Variants in COL26A1 observed in about 807,000 individuals in gnomAD.
COL26A1 encodes collagen type XXVI alpha 1 chain.
In COL26A1, 41 loss-of-function variants were observed where a neutral mutation model predicts 59.3. The observed-to-expected ratio is 0.69, with a 90% CI of 0.54 to 0.90. COL26A1 has a LOEUF of 0.90. COL26A1 is among the 40% of genes least tolerant of loss of function. COL26A1 has a pLI of 0.00. For synonymous variants in COL26A1, 266 were observed against 256.0 expected (o/e 1.04, Z -0.37); for missense variants, 612 against 602.3 (o/e 1.02, Z -0.17).
chr7:101,546,700 C>T (rs1282895986), intron 7 of COL26A1, among the ~76,000 whole-genome samples: 1 of 152,112 alleles, frequency 6.6e-6, no homozygotes, highest in Admixed American at 6.5e-5. Context: ...GGTTGTTAAA[C>T]AGACTCCACC....
intron 3 of COL26A1, among the ~76,000 whole-genome samples, chr7:101,455,372 C>A (rs1361521140): frequency 6.6e-6 from 1 of 152,094 alleles, no homozygotes; most frequent in Non-Finnish European, 1.5e-5. Flanking sequence ...AAAGTAACTA[C>A]ATGTTTAGTG....
chr7:101,541,778 A>G (rs947295369), intron 5 of COL26A1, among the ~76,000 whole-genome samples: 4 of 152,102 alleles, frequency 2.6e-5, no homozygotes, highest in African/African-American at 9.7e-5. Context: ...CATAGTTGCA[A>G]TCGATGAAGC....
chr7:101,534,360 G>C (rs565681855), intron 4 of COL26A1, among the ~76,000 whole-genome samples: 1 of 152,276 alleles, frequency 6.6e-6, no homozygotes, highest in Non-Finnish European at 1.5e-5. Context: ...AGCAGGGCCA[G>C]GGTCAGCCAT....
At chr7:101,395,099 C>G (rs1477467721) in intron 1 of COL26A1, among the ~76,000 whole-genome samples, 1 of 151,958 alleles carries the variant, frequency 6.6e-6, no homozygotes, top group African/African-American at 2.4e-5. Context: ...TCTTGAACTA[C>G]TGACCTCAGA....
At chr7:101,373,450 A>G (rs1250656935) in intron 1 of COL26A1, among the ~76,000 whole-genome samples, 1 of 152,218 alleles carries the variant, frequency 6.6e-6, no homozygotes, top group African/African-American at 2.4e-5. Context: ...GGAGTTTTCA[A>G]CCCCAAATTT....
rs1314778398 is a variant in COL26A1, at chr7:101,412,489, A to G, written c.159-7488A>G. 2.6e-5 allele frequency among the ~76,000 whole-genome samples: 4 copies of G among 152,098 alleles called. No homozygotes were observed. The East Asian group carries it at 7.7e-4, about 29-fold the overall frequency. ...GTGAAACCCCCTCTCTACTAAAAGT[A>G]TAAAAATTAGCCAGGCGTGGTGGTG... is the stretch of plus-strand genomic sequence containing the variant. On this transcript the variant is annotated intron_variant, in intron 1 of 12. Coordinates refer to ENST00000313669, the MANE Select transcript of COL26A1 (RefSeq NM_001278563.3).
chr7:101,413,547 GAAAGAAAAAGAAAAGAAGAAAGA>G (rs1044574867), intron 1 of COL26A1, among the ~76,000 whole-genome samples: 11 of 151,730 alleles, frequency 7.2e-5, no homozygotes, highest in African/African-American at 2.7e-4. Flanking sequence ...GAAAGGAAAG[GAAAGAAAAAGAAAAGAAGAAAGA>G]AAAGAAAAAG....
At chr7:101,485,796 G>A (rs757829602) in intron 3 of COL26A1, among the ~76,000 whole-genome samples, 1 of 152,128 alleles carries the variant, frequency 6.6e-6, no homozygotes, top group African/African-American at 2.4e-5. Context: ...GAGATGAGCC[G>A]AGGCCCAGCC....
intron 1 of COL26A1, among the ~76,000 whole-genome samples, chr7:101,412,139 G>A (rs1278667237): frequency 6.6e-6 from 1 of 152,060 alleles, no homozygotes; most frequent in Non-Finnish European, 1.5e-5. Context: ...GGCAGAGCTT[G>A]GACACCAGAC....
intron 1 of COL26A1, among the ~76,000 whole-genome samples, chr7:101,396,163 A>T (rs1212174000): frequency 6.6e-6 from 1 of 151,776 alleles, no homozygotes; most frequent in African/African-American, 2.4e-5. Flanking sequence ...GCTACTGGGG[A>T]GGGTGAGGGG....
intron 3 of COL26A1, among the ~76,000 whole-genome samples, chr7:101,468,366 G>A (rs1793814779): frequency 6.6e-6 from 1 of 151,936 alleles, no homozygotes; most frequent in Non-Finnish European, 1.5e-5. Flanking sequence ...CCCTTACCAA[G>A]GACTCTCTTA....
At chr7:101,387,778 A>ATTTTTTTTTTTTTTTTTTTTTTT (rs1554404085) in intron 1 of COL26A1, among the ~76,000 whole-genome samples, 1 of 84,808 alleles carries the variant, frequency 1.2e-5, no homozygotes, top group African/African-American at 5.0e-5. Flanking sequence ...ATATATATAT[A>ATTTTTTTTTTTTTTTTTTTTTTT]TTTTTTTTTA....
chr7:101,363,827 C>A (rs556475069), intron 1 of COL26A1, among the ~76,000 whole-genome samples: 287 of 152,316 alleles, frequency 1.9e-3, no homozygotes, highest in Non-Finnish European at 2.5e-3. Flanking sequence ...CTGCCGCTCA[C>A]CTGCGCGGCT....
intron 2 of COL26A1, among the ~76,000 whole-genome samples, chr7:101,434,509 G>A (rs1792868037): frequency 2.0e-5 from 3 of 151,730 alleles, no homozygotes; most frequent in Admixed American, 1.3e-4. Context: ...TGATCCTCCC[G>A]CCTCTATCTC....
intron 3 of COL26A1, among the ~76,000 whole-genome samples, chr7:101,487,753 C>A (rs537803067): frequency 5.9e-4 from 90 of 152,234 alleles, no homozygotes; most frequent in African/African-American, 2.1e-3. Context: ...GATAAGCCCA[C>A]GCCCTGTCAC....
chr7:101,478,243 C>T (rs1794090205), intron 3 of COL26A1, among the ~76,000 whole-genome samples: 2 of 152,094 alleles, frequency 1.3e-5, no homozygotes, highest in Non-Finnish European at 2.9e-5. Context: ...AGCCTCCCAG[C>T]GTGCTGGGAT....
chr7:101,386,148 A>G (rs1236691893), intron 1 of COL26A1, among the ~76,000 whole-genome samples: 3 of 152,076 alleles, frequency 2.0e-5, no homozygotes, highest in African/African-American at 4.8e-5. Flanking sequence ...GGGGAGAGAA[A>G]AGTTCTAGAG....
intron 1 of COL26A1, among the ~76,000 whole-genome samples, chr7:101,418,866 A>G (rs901110387): frequency 1.3e-5 from 2 of 150,768 alleles, no homozygotes; most frequent in Non-Finnish European, 3.0e-5. Flanking sequence ...CCTCCTCTCC[A>G]CTGCCCAAGC....
At chr7:101,481,352 C>G (rs1794149612) in intron 3 of COL26A1, among the ~76,000 whole-genome samples, 1 of 151,092 alleles carries the variant, frequency 6.6e-6, no homozygotes, top group African/African-American at 2.4e-5. Context: ...CAGTTTTTCT[C>G]TTTATTCTTG....
Sources: gnomAD v4.1 joint callset for allele counts (sites outside exome capture counted in the v4.1 genomes callset) on GRCh38, gnomAD v4.1.1 for gene constraint, MANE v1.5 for transcripts, NCBI Gene and HGNC (gene_info 2026-07-23, HGNC 2026-07-21) for gene names.